The following DAPK1 variants were observed in gnomAD, a reference collection of about 807,000 sequenced individuals.
The protein encoded by DAPK1 is death associated protein kinase 1.
Under a neutral mutation model 144.9 loss-of-function variants are expected in DAPK1, and 56 were observed. That is an observed-to-expected ratio of 0.39 (90% CI 0.31 to 0.48). The LOEUF is 0.48. Ranked by LOEUF, DAPK1 falls within the 20% of genes least tolerant of loss-of-function variation. DAPK1 has a pLI of 0.95. For missense variants in DAPK1, 1,454 were observed against 1,875.4 expected (o/e 0.78, Z 4.15); for synonymous variants, 690 against 749.0 (o/e 0.92, Z 1.29).
intron 2 of DAPK1, among the ~76,000 whole-genome samples, chr9:87,602,166 C>G (rs1828545758): frequency 6.6e-6 from 1 of 152,152 alleles, no homozygotes; most frequent in African/African-American, 2.4e-5. Flanking sequence ...GGAACGGTAT[C>G]TTAAAAGAGG....
At chr9:87,537,634 A>G (rs558471685) in intron 2 of DAPK1, among the ~76,000 whole-genome samples, 5 of 151,874 alleles carry the variant, frequency 3.3e-5, no homozygotes, top group South Asian at 2.1e-4. Context: ...TGTATGTGGC[A>G]TATATGATAT....
At chr9:87,621,712 A>G (rs1829299496) in intron 3 of DAPK1, among the ~76,000 whole-genome samples, 1 of 152,090 alleles carries the variant, frequency 6.6e-6, no homozygotes, top group Admixed American at 6.5e-5. Context: ...GCAGCTGAGG[A>G]TCCACTCTGA....
At chr9:87,639,945 A>AC in intron 7 of DAPK1, 130 bp downstream of exon 7, 1 of 948,700 alleles carries the variant, frequency 1.1e-6, no homozygotes, top group Non-Finnish European at 1.6e-6. Context: ...TTCATTTTAC[A>AC]CCCCCAAAAC....
intron 3 of DAPK1, among the ~76,000 whole-genome samples, chr9:87,607,097 A>G (rs1287127118): frequency 6.6e-6 from 1 of 152,092 alleles, no homozygotes; most frequent in Non-Finnish European, 1.5e-5. Context: ...TAAAGGAAGA[A>G]CAGAGCTTTA....
At chr9:87,657,582 G>A in intron 17 of DAPK1, 2 of 205,598 alleles carry the variant, frequency 9.7e-6, no homozygotes, top group Non-Finnish European at 2.0e-5. Flanking sequence ...AGTTCCCTGG[G>A]TTACCTTGGC....
Position 87,649,971 on chromosome 9 carries a change from G to A in DAPK1, c.1479G>A (p.Val493=), listed in dbSNP as rs1359707093. ...HCAAWHGYYS[V]AKALCEAGCN... ...CTGCTTGGCACGGCTATTACTCTGT[G>A]GCCAAAGCCCTTTGTGAAGCCGGCT... The change falls in exon 16 of 26, where the codon GTG becomes GTA. Residue 493 remains valine (V), a synonymous_variant. Coordinates refer to ENST00000408954, the MANE Select transcript of DAPK1 (RefSeq NM_004938.4). 2 of 1,614,138 alleles carry A rather than the reference G, an allele frequency of 1.2e-6. No individual in the cohort carries two copies. Among genetic ancestry groups the A allele is most frequent in the Non-Finnish European group, 1.7e-6 (2 of 1,180,044 alleles).
At chr9:87,563,940 G>A (rs565156680) in intron 2 of DAPK1, among the ~76,000 whole-genome samples, 114 of 152,306 alleles carry the variant, frequency 7.5e-4, no homozygotes, top group African/African-American at 2.5e-3. Context: ...TGTGACAGCC[G>A]CGTAGACCTT....
At chr9:87,556,555 G>GGA (rs1826723176) in intron 2 of DAPK1, among the ~76,000 whole-genome samples, 1 of 152,228 alleles carries the variant, frequency 6.6e-6, no homozygotes, top group East Asian at 1.9e-4. Flanking sequence ...GTCAGGAGGA[G>GGA]TGCGGGGGAT....
intron 3 of DAPK1, among the ~76,000 whole-genome samples, chr9:87,630,070 C>T (rs895658704): frequency 2.0e-5 from 3 of 152,084 alleles, no homozygotes; most frequent in African/African-American, 7.2e-5. Flanking sequence ...GCTTCAGTGC[C>T]CCTGCCATTT....
chr9:87,561,816 G>C (rs1826937073), intron 2 of DAPK1, among the ~76,000 whole-genome samples: 1 of 152,174 alleles, frequency 6.6e-6, no homozygotes, highest in Non-Finnish European at 1.5e-5. Context: ...GCTCCTCAGT[G>C]CCATTGGAGA....
Position 87,531,599 on chromosome 9 carries a change from T to TGTCA in DAPK1, c.62+32461_62+32464dup, listed in dbSNP as rs556975618. On this transcript the variant is annotated intron_variant, in intron 2 of 25. Transcript: ENST00000408954. ...GATGAGTAGAAAAAGGCAGAGGAGC[T>TGTCA]GTCACTTCAGTGTAATGTTGAGAAA... 1.9e-3 allele frequency among the ~76,000 whole-genome samples: 282 copies of TGTCA among 152,256 alleles called. 1 individual carries two copies. Among genetic ancestry groups the TGTCA allele is most frequent in the Non-Finnish European group, 3.0e-3 (207 of 68,024 alleles).
chr9:87,556,697 G>A (rs1287455545), intron 2 of DAPK1, among the ~76,000 whole-genome samples: 1 of 152,206 alleles, frequency 6.6e-6, no homozygotes, highest in Non-Finnish European at 1.5e-5. Context: ...CAAGGCTGTG[G>A]TACTTCTCGC....
chr9:87,643,786 CACAT>C (rs1830177872), intron 11 of DAPK1, among the ~76,000 whole-genome samples: 1 of 152,076 alleles, frequency 6.6e-6, no homozygotes, highest in South Asian at 2.1e-4. Flanking sequence ...CAAATGCACA[CACAT>C]AGAGACACAC....
chr9:87,695,306 G>C lies in DAPK1; in HGVS notation c.2414-1701G>C, dbSNP rs568609643. ...CCCTTTAGATCTCAGAGTGCATCTTGACTGCAGGATTTTGGGTACAGAGTA... is the reference window on the plus strand; with the variant it reads ...CCCTTTAGATCTCAGAGTGCATCTTCACTGCAGGATTTTGGGTACAGAGTA... On this transcript the variant is annotated intron_variant, in intron 21 of 25. Transcript: ENST00000408954. Among the ~76,000 whole-genome samples, 3 of 152,324 alleles carry C rather than the reference G, an allele frequency of 2.0e-5. No homozygotes were observed. The East Asian group carries it at 5.8e-4, about 29-fold the overall frequency.
At chr9:87,628,279 T>A (rs1587785865) in intron 3 of DAPK1, among the ~76,000 whole-genome samples, 1 of 152,336 alleles carries the variant, frequency 6.6e-6, no homozygotes, top group Non-Finnish European at 1.5e-5. Flanking sequence ...CAGATACAGC[T>A]TGCATTTTGG....
At chr9:87,602,092 G>T (rs763435877) in intron 2 of DAPK1, among the ~76,000 whole-genome samples, 1 of 152,164 alleles carries the variant, frequency 6.6e-6, no homozygotes, top group Non-Finnish European at 1.5e-5. Flanking sequence ...GTGCTCTTTC[G>T]ACTCAGGGAT....
intron 3 of DAPK1, among the ~76,000 whole-genome samples, chr9:87,618,644 G>A (rs916844151): frequency 1.3e-5 from 2 of 152,146 alleles, no homozygotes; most frequent in African/African-American, 4.8e-5. Context: ...AAGTGAAAGA[G>A]GCCAGACCCA....
At chr9:87,566,852 G>A (rs749351189) in intron 2 of DAPK1, among the ~76,000 whole-genome samples, 1 of 152,190 alleles carries the variant, frequency 6.6e-6, no homozygotes, top group African/African-American at 2.4e-5. Flanking sequence ...GCACATCATT[G>A]CACTGATGAA....
At chr9:87,670,235 T>TTCTACCA (rs1195870069) in intron 19 of DAPK1, among the ~76,000 whole-genome samples, 3 of 151,814 alleles carry the variant, frequency 2.0e-5, no homozygotes, top group African/African-American at 7.3e-5. Context: ...GAATGAGCCT[T>TTCTACCA]TTCATAGAGT....
Sources: allele counts gnomAD v4.1 joint callset (sites outside exome capture counted in the v4.1 genomes callset), GRCh38; gene constraint gnomAD v4.1.1; transcripts MANE v1.5; gene names NCBI Gene and HGNC (gene_info 2026-07-23, HGNC 2026-07-21).